DCLK1: variants seen among roughly 807,000 people sequenced by gnomAD.
DCLK1 encodes the protein doublecortin like kinase 1.
DCLK1 carries 16 observed loss-of-function variants against 86.2 expected under a neutral mutation model. The ratio of observed to expected loss-of-function variants is 0.19; its 90% CI spans 0.13 to 0.28. DCLK1 has a LOEUF of 0.28. Ranked by LOEUF, DCLK1 falls within the 10% of genes least tolerant of loss-of-function variation. The pLI, the probability that DCLK1 is intolerant of heterozygous loss-of-function variation, is 1.00. For synonymous variants in DCLK1, 369 were observed against 370.5 expected, an observed-to-expected ratio of 1.00 and a Z score of 0.05; for missense variants, 590 against 940.2, an observed-to-expected ratio of 0.63 and a Z score of 4.87.
At chr13:35,821,599 T>TA (rs2087394300) in intron 11 of DCLK1, among the ~76,000 whole-genome samples, 1 of 151,926 alleles carries the variant, frequency 6.6e-6, no homozygotes, top group Admixed American at 6.6e-5. Flanking sequence ...CATATATTTA[T>TA]ACATAATGCT....
At chr13:36,080,939 G>A (rs9565841) in intron 3 of DCLK1, among the ~76,000 whole-genome samples, 26,284 of 151,960 alleles carry the variant, frequency 0.17, 2,692 homozygotes, top group East Asian at 0.44. Context: ...GTCATCTAGT[G>A]GGTGGTGCTA....
chr13:36,126,360 A>G (rs538464114), intron 1 of DCLK1, among the ~76,000 whole-genome samples: 2 of 152,234 alleles, frequency 1.3e-5, no homozygotes, highest in African/African-American at 4.8e-5. Context: ...CTCCCAGAGT[A>G]TCCGGGACTA....
chr13:35,927,908 T>C (rs1302474929), intron 4 of DCLK1, among the ~76,000 whole-genome samples: 1 of 152,164 alleles, frequency 6.6e-6, no homozygotes, highest in African/African-American at 2.4e-5. Flanking sequence ...GTGAGCCTCC[T>C]GCTTGATGAA....
chr13:36,112,099 A>G lies in DCLK1; in HGVS notation c.493T>C (p.Ser165Pro), dbSNP rs777440939. The G allele has an allele frequency of 1.9e-6, 3 of 1,614,010 alleles. No individual in the cohort carries two copies. The highest frequency in any genetic ancestry group is 2.7e-5 in the African/African-American group (2 of 74,950). The stretch of plus-strand genomic sequence containing the variant: ...GGGCTTCCTTTGGCAGTGGCCAGTG[A>G]AGACACTGCCCGAGAAGCCGAGGTG... The part of the protein sequence containing the change: ...KTTSASRAVS[S>P]LATAKGSPSE... The change falls in exon 3 of 17, where the codon TCA becomes CCA. Residue 165 changes from serine (S) to proline (P), a missense_variant. Coordinates refer to ENST00000360631, the MANE Select transcript of DCLK1 (RefSeq NM_001330071.2).
intron 4 of DCLK1, among the ~76,000 whole-genome samples, chr13:35,944,977 C>G (rs1877285625): frequency 6.6e-6 from 1 of 152,140 alleles, no homozygotes; most frequent in Non-Finnish European, 1.5e-5. Context: ...TCTCGGTTCA[C>G]CGCAACCTCC....
intron 2 of DCLK1, among the ~76,000 whole-genome samples, chr13:36,118,435 T>G (rs751970686): frequency 2.6e-5 from 4 of 152,130 alleles, no homozygotes; most frequent in Non-Finnish European, 4.4e-5. Context: ...ACTGAAGTGA[T>G]GACACTGAAA....
rs1886356884 is a variant in DCLK1, at chr13:36,131,345, CCTCA to C, written c.-255_-252del. ...CATTGAAATGCGGCGCTTCGCACAGCCTCACTCCAGCCTCTCTCTCCAGAGGAGG... is the reference window on the plus strand; with the variant it reads ...CATTGAAATGCGGCGCTTCGCACAGCCTCCAGCCTCTCTCTCCAGAGGAGG... On this transcript the variant is annotated 5_prime_UTR_variant, in exon 1 of 17. Transcript: ENST00000360631. 5.8e-6 allele frequency: 1 copy of C among 173,360 alleles called. No homozygotes were observed. The highest frequency in any genetic ancestry group is 1.8e-4 in the East Asian group (1 of 5,618). 10.7% of individuals were successfully genotyped at this position (173,360 alleles called of 1,614,324 possible). A position where few individuals can be genotyped will look rare whatever the true frequency, so the allele number is the denominator to read the frequency against.
intron 4 of DCLK1, among the ~76,000 whole-genome samples, chr13:35,880,710 C>A (rs929468753): frequency 4.6e-5 from 7 of 152,066 alleles, no homozygotes; most frequent in Non-Finnish European, 1.0e-4. Context: ...AAAACGTGTC[C>A]CAGAAGGCAT....
chr13:36,100,825 C>T (rs1885190968), intron 3 of DCLK1, among the ~76,000 whole-genome samples: 2 of 152,168 alleles, frequency 1.3e-5, no homozygotes, highest in African/African-American at 4.8e-5. Flanking sequence ...CTAGGTGGTT[C>T]CTTCACACCA....
chr13:35,956,080 C>G (rs1223466511), intron 3 of DCLK1, among the ~76,000 whole-genome samples: 2 of 152,132 alleles, frequency 1.3e-5, no homozygotes, highest in Admixed American at 6.6e-5. Context: ...TTTAGAATAG[C>G]TCACCTACTT....
At chr13:35,790,563 C>G (rs2086693430) in intron 16 of DCLK1, among the ~76,000 whole-genome samples, 1 of 152,122 alleles carries the variant, frequency 6.6e-6, no homozygotes. Flanking sequence ...TTTATAGCCT[C>G]TGGGGAGAGC....
At chr13:35,842,814 T>G (rs1199309269) in intron 6 of DCLK1, among the ~76,000 whole-genome samples, 1 of 152,204 alleles carries the variant, frequency 6.6e-6, no homozygotes, top group Admixed American at 6.5e-5. Context: ...ATCTTTTAGA[T>G]TCTGATCTGG....
intron 4 of DCLK1, among the ~76,000 whole-genome samples, chr13:35,928,154 C>T (rs1298490654): frequency 6.6e-6 from 1 of 152,174 alleles, no homozygotes; most frequent in Non-Finnish European, 1.5e-5. Context: ...GAATTTGTAG[C>T]CAGTTGGTCA....
intron 4 of DCLK1, among the ~76,000 whole-genome samples, chr13:35,929,114 A>G (rs1351428249): frequency 6.6e-6 from 1 of 152,142 alleles, no homozygotes; most frequent in Non-Finnish European, 1.5e-5. Context: ...TATTTTTAGT[A>G]GAGATGGGGT....
intron 3 of DCLK1, among the ~76,000 whole-genome samples, chr13:35,951,380 G>T (rs1185891896): frequency 6.6e-6 from 1 of 150,782 alleles, no homozygotes; most frequent in Non-Finnish European, 1.5e-5. Context: ...CAATTTATCT[G>T]CTTTACCTGT....
At chr13:36,029,800 C>A (rs1187660596) in intron 3 of DCLK1, among the ~76,000 whole-genome samples, 1 of 152,158 alleles carries the variant, frequency 6.6e-6, no homozygotes, top group African/African-American at 2.4e-5. Context: ...TTAAAATGTT[C>A]ATGTGATATT....
chr13:35,952,838 T>C (rs1195689610), intron 3 of DCLK1, among the ~76,000 whole-genome samples: 1 of 152,192 alleles, frequency 6.6e-6, no homozygotes, highest in Non-Finnish European at 1.5e-5. Flanking sequence ...CTTAGCATTA[T>C]GCCATACCCA....
chr13:36,041,630 C>T (rs1032552190), intron 3 of DCLK1, among the ~76,000 whole-genome samples: 5 of 152,124 alleles, frequency 3.3e-5, no homozygotes, highest in Non-Finnish European at 7.4e-5. Context: ...TCATTGTATT[C>T]TAAATGCCAG....
intron 3 of DCLK1, among the ~76,000 whole-genome samples, chr13:36,011,978 A>G (rs1297238333): frequency 4.0e-4 from 60 of 149,958 alleles, no homozygotes; most frequent in South Asian, 2.8e-3. Flanking sequence ...TTACCATTAT[A>G]TAATGGCCTT....
Sources: allele counts gnomAD v4.1 joint callset (sites outside exome capture counted in the v4.1 genomes callset), GRCh38; gene constraint gnomAD v4.1.1; transcripts MANE v1.5; gene names NCBI Gene and HGNC (gene_info 2026-07-23, HGNC 2026-07-21).